The following FAM199X variants were observed in gnomAD, a reference collection of about 807,000 sequenced individuals.
FAM199X encodes the protein family with sequence similarity 199, X-linked.
FAM199X carries 4 observed loss-of-function variants against 22.9 expected under a neutral mutation model. The observed-to-expected ratio is 0.17, with a 90% CI of 0.09 to 0.40. FAM199X has a LOEUF of 0.40. Ranked by LOEUF, FAM199X falls within the 10% of genes least tolerant of loss-of-function variation. The probability of loss-of-function intolerance (pLI) is 1.00; values close to 1 mark genes in which losing one functional copy is unlikely to be tolerated. For synonymous variants in FAM199X, 101 were observed against 112.3 expected (o/e 0.90, Z 0.64); for missense variants, 183 against 306.8 (o/e 0.60, Z 3.01).
intron 1 of FAM199X, among the ~76,000 whole-genome samples, chrX:104,175,134 T>C (rs1472621218): frequency 8.9e-6 from 1 of 112,483 alleles, no homozygotes; most frequent in Non-Finnish European, 1.9e-5. Flanking sequence ...GAGAGTGTTA[T>C]TTGCTTAAAA....
At chrX:104,177,767 TA>T (rs1921530101) in intron 2 of FAM199X, among the ~76,000 whole-genome samples, 1 of 112,450 alleles carries the variant, frequency 8.9e-6, no homozygotes, top group Admixed American at 9.4e-5. Context: ...TTGCTGCTTT[TA>T]AAATTGTGTT....
At chrX:104,167,062 G>A (rs1489402089) in intron 1 of FAM199X, 80 bp downstream of exon 1, 1 of 894,357 alleles carries the variant, frequency 1.1e-6, no homozygotes, top group Non-Finnish European at 1.5e-6. Context: ...CCCGGGCTGC[G>A]CTTCCAGTCG....
Position 104,185,391 on chromosome X carries a change from A to G in FAM199X, c.418-675A>G, listed in dbSNP as rs141903923. ...TTTTTCATTACAGTGTGGAGGCCCT[A>G]GTCATATTCTCATTATACATTAAAA... On this transcript the variant is annotated intron_variant, in intron 2 of 5. Transcript: ENST00000493442. 9.9e-3 allele frequency among the ~76,000 whole-genome samples: 1,099 copies of G among 111,103 alleles called. 16 individuals carry two copies. The highest frequency in any genetic ancestry group is 0.034 in the African/African-American group (1,028 of 30,482).
intron 1 of FAM199X, among the ~76,000 whole-genome samples, chrX:104,168,434 A>G (rs1921269473): frequency 8.9e-6 from 1 of 112,669 alleles, no homozygotes; most frequent in Admixed American, 9.4e-5. Context: ...TTAACCCCTG[A>G]TGTCACTGTA....
intron 1 of FAM199X, among the ~76,000 whole-genome samples, chrX:104,174,509 A>G (rs1301137407): frequency 1.2e-4 from 13 of 111,310 alleles, no homozygotes; most frequent in African/African-American, 3.6e-4. Context: ...CTTTCAAGCA[A>G]CTGTATCCTG....
At chrX:104,183,547 C>T (rs1282358095) in intron 2 of FAM199X, among the ~76,000 whole-genome samples, 2 of 110,654 alleles carry the variant, frequency 1.8e-5, no homozygotes, top group African/African-American at 3.3e-5. Context: ...TCACTGCAAC[C>T]TCCACCTCCT....
At chrX:104,186,268 G>T in intron 3 of FAM199X, 53 bp downstream of exon 3, 1 of 1,161,877 alleles carries the variant, frequency 8.6e-7, no homozygotes, top group Non-Finnish European at 1.2e-6. Flanking sequence ...ACTAGGTAAA[G>T]CTCAGTTTAT....
chrX:104,185,861 T>TC (rs1453804053), intron 2 of FAM199X, among the ~76,000 whole-genome samples: 4 of 112,090 alleles, frequency 3.6e-5, no homozygotes, highest in African/African-American at 1.3e-4. Context: ...TGCCTTGGCC[T>TC]CCCGAAGTGC....
intron 2 of FAM199X, among the ~76,000 whole-genome samples, chrX:104,185,644 A>G (rs782392180): frequency 1.0e-3 from 114 of 110,346 alleles, no homozygotes; most frequent in African/African-American, 3.7e-3. Flanking sequence ...GAGTCTGACT[A>G]TCTCCCAGGC....
intron 2 of FAM199X, among the ~76,000 whole-genome samples, chrX:104,182,286 T>C: frequency 9.0e-6 from 1 of 111,055 alleles, no homozygotes; most frequent in Non-Finnish European, 1.9e-5. Flanking sequence ...TGCGCTCGGC[T>C]TTGTAAATTT....
upstream of FAM199X, among the ~76,000 whole-genome samples, chrX:104,161,559 G>A (rs1921047362): frequency 8.9e-6 from 1 of 112,108 alleles, no homozygotes; most frequent in Non-Finnish European, 1.9e-5. Context: ...TTAAAAAGAA[G>A]AAGAAAGAGG....
the FAM199X span, among the ~76,000 whole-genome samples, chrX:104,158,018 AAACTC>A: frequency 2.7e-5 from 3 of 112,683 alleles, no homozygotes; most frequent in African/African-American, 9.7e-5. Flanking sequence ...GCAGCTAAGA[AAACTC>A]AGATTAGTCA....
At chrX:104,163,707 T>C (rs1268780649), upstream of FAM199X, among the ~76,000 whole-genome samples, 10 of 106,179 alleles carry the variant, frequency 9.4e-5, no homozygotes, top group Middle Eastern at 4.8e-3. Flanking sequence ...TTTTTTTTTT[T>C]CCTGAGACGG....
In FAM199X at chrX:104,195,503, TA is replaced by T. The variant is rs1167273938; in HGVS notation, c.*5727del. On this transcript the variant is annotated 3_prime_UTR_variant, in exon 6 of 6. Coordinates refer to ENST00000493442, the MANE Select transcript of FAM199X (RefSeq NM_207318.4). ...GTAAGTGAAAATTGTCTAATTTTTT[TA>T]ATCCATGCTATTACTGGGCAGTAGG... 6 of 111,981 alleles carry T rather than the reference TA, an allele frequency of 5.4e-5. No homozygotes were observed. Among genetic ancestry groups the T allele is most frequent in the African/African-American group, 1.9e-4 (6 of 30,848 alleles). 9.2% of individuals were successfully genotyped at this position (111,981 alleles called of 1,213,427 possible).
At chrX:104,173,796 A>G (rs1298975510) in intron 1 of FAM199X, among the ~76,000 whole-genome samples, 1 of 112,108 alleles carries the variant, frequency 8.9e-6, no homozygotes, top group Non-Finnish European at 1.9e-5. Flanking sequence ...AAGACCAAAA[A>G]AAGATCCAAC....
At chrX:104,174,600 A>G (rs781803700) in intron 1 of FAM199X, among the ~76,000 whole-genome samples, 1 of 111,800 alleles carries the variant, frequency 8.9e-6, no homozygotes, top group South Asian at 3.7e-4. Context: ...GAAACAGCTT[A>G]TGTATCATTG....
At chrX:104,169,663 G>A (rs782746711) in intron 1 of FAM199X, among the ~76,000 whole-genome samples, 5 of 111,790 alleles carry the variant, frequency 4.5e-5, no homozygotes, top group Admixed American at 3.8e-4. Context: ...CGCCTCCTGG[G>A]TTCGAGCGAT....
chrX:104,173,546 A>C (rs959500786), intron 1 of FAM199X, among the ~76,000 whole-genome samples: 10 of 111,815 alleles, frequency 8.9e-5, no homozygotes, highest in Non-Finnish European at 1.9e-5. Context: ...AGTTAAAAAA[A>C]ATGAAGTGCG....
upstream of FAM199X, among the ~76,000 whole-genome samples, chrX:104,161,468 C>T (rs1921046178): frequency 1.8e-5 from 2 of 111,668 alleles, no homozygotes; most frequent in African/African-American, 6.5e-5. Context: ...GGTGAATTAC[C>T]CCATTCATTA....
Sources: allele counts gnomAD v4.1 joint callset (sites outside exome capture counted in the v4.1 genomes callset), GRCh38; gene constraint gnomAD v4.1.1; transcripts MANE v1.5; gene names NCBI Gene and HGNC (gene_info 2026-07-23, HGNC 2026-07-21).